The following CAMK2A variants were observed in gnomAD, a reference collection of about 807,000 sequenced individuals.
The protein encoded by CAMK2A is calcium/calmodulin-dependent protein kinase type II subunit alpha.
In CAMK2A, 7 loss-of-function variants were observed where a neutral mutation model predicts 79.2. The ratio of observed to expected loss-of-function variants is 0.09; its 90% confidence interval spans 0.05 to 0.17. The LOEUF (loss-of-function observed/expected upper bound fraction) is 0.17, where lower values mean the gene tolerates loss of function less well. Among genes scored for constraint, CAMK2A ranks in the 10% least tolerant of loss-of-function variants. The pLI, the probability that CAMK2A is intolerant of heterozygous loss-of-function variation, is 1.00. For missense variants in CAMK2A, 214 were observed against 646.4 expected, an observed-to-expected ratio of 0.33 and a Z score of 7.25; for synonymous variants, 242 against 251.7, an observed-to-expected ratio of 0.96 and a Z score of 0.36.
chr5:150,280,539 C>T (rs1757167712), intron 1 of CAMK2A, among the ~76,000 whole-genome samples: 1 of 152,206 alleles, frequency 6.6e-6, no homozygotes, highest in Non-Finnish European at 1.5e-5. Context: ...GCCTCCTCTT[C>T]CCACCTCCCA....
intron 15 of CAMK2A, among the ~76,000 whole-genome samples, chr5:150,236,062 C>T (rs1237152201): frequency 6.6e-6 from 1 of 152,072 alleles, no homozygotes; most frequent in Non-Finnish European, 1.5e-5. Context: ...CTCAAATTTC[C>T]CTCTGGAAAG....
intron 1 of CAMK2A, 128 bp from the exon 2 acceptor site, chr5:150,273,287 G>T: frequency 1.5e-6 from 1 of 681,292 alleles, no homozygotes; most frequent in South Asian, 1.9e-5. Flanking sequence ...CAAGCTCACA[G>T]GGGCTTCTGT....
chr5:150,289,775 A>G, upstream of CAMK2A: 1 of 599,998 alleles, frequency 1.7e-6, no homozygotes, highest in Non-Finnish European at 2.9e-6. Context: ...GGGGCTTCTG[A>G]GCAGGGCACT....
intron 8 of CAMK2A, 40 bp downstream of exon 8, chr5:150,251,942 G>T (rs892747153): frequency 1.3e-6 from 2 of 1,590,222 alleles, no homozygotes; most frequent in Non-Finnish European, 1.7e-6. Context: ...AGAGGCCGGG[G>T]TGCAGCCAGG....
intron 13 of CAMK2A, among the ~76,000 whole-genome samples, chr5:150,239,948 T>A (rs980820078): frequency 6.6e-6 from 1 of 152,114 alleles, no homozygotes; most frequent in Non-Finnish European, 1.5e-5. Context: ...CCTGAAGCTC[T>A]GAGTCCTCAT....
In CAMK2A at chr5:150,222,336, C is replaced by T. The variant is rs1343415219; in HGVS notation, c.*374G>A. The T allele has an allele frequency of 8.2e-6, 5 of 610,586 alleles. No individual in the cohort carries two copies. The highest frequency in any genetic ancestry group is 1.5e-5 in the Non-Finnish European group (5 of 341,894). The allele number at this position is 610,586 out of a possible 1,614,324, so 37.8% of individuals were successfully genotyped here. A position where few individuals can be genotyped will look rare whatever the true frequency, so the allele number is the denominator to read the frequency against. ...GACGGATGCTGCCTTCCTCATCATG[C>T]CACCCCTCCTTCTCCCCAGCCCCTG... On this transcript the variant is annotated 3_prime_UTR_variant, in exon 19 of 19. Transcript: ENST00000671881.
At chr5:150,238,811 C>A in intron 14 of CAMK2A, 63 bp from the exon 15 acceptor site, 1 of 1,412,394 alleles carries the variant, frequency 7.1e-7, no homozygotes, top group Non-Finnish European at 9.6e-7. Context: ...CATGGCCAGG[C>A]CCTGGCTGCC....
At chr5:150,277,618 G>A (rs1169162859) in intron 1 of CAMK2A, among the ~76,000 whole-genome samples, 2 of 152,236 alleles carry the variant, frequency 1.3e-5, no homozygotes, top group Admixed American at 1.3e-4. Context: ...GTAGTGTGGG[G>A]ACCCTGAACC....
rs1044600359 is a variant in CAMK2A, at chr5:150,221,782, A to G, written c.*928T>C. On this transcript the variant is annotated 3_prime_UTR_variant, in exon 19 of 19. Transcript: ENST00000671881. ...AAAAAAAAAACTAGAACAGAAAAAAACTACCCCTCACCCCTCTTCCTACAC... is the reference window on the plus strand; with the variant it reads ...AAAAAAAAAACTAGAACAGAAAAAAGCTACCCCTCACCCCTCTTCCTACAC... 2.0e-5 allele frequency: 8 copies of G among 395,098 alleles called. No individual in the cohort carries two copies. The Admixed American group carries it at 2.2e-4, about 11-fold the overall frequency. 24.5% of individuals were successfully genotyped at this position (395,098 alleles called of 1,614,324 possible).
chr5:150,284,564 C>T lies in CAMK2A; in HGVS notation c.62+5000G>A, dbSNP rs116302510. ...CTCAGCCTGTGTGGGGGCGGCTGCGCGGGGGCGGAGGGCTGCAGCGTGCAC... is the reference window on the plus strand; with the variant it reads ...CTCAGCCTGTGTGGGGGCGGCTGCGTGGGGGCGGAGGGCTGCAGCGTGCAC... On this transcript the variant is annotated intron_variant, in intron 1 of 18. Coordinates refer to ENST00000671881, the MANE Select transcript of CAMK2A (RefSeq NM_015981.4). This position sits in a 1 kb window ranked among gnomAD's most constrained non-coding sequence, Gnocchi z 5.3. Among the ~76,000 whole-genome samples the T allele has an allele frequency of 8.4e-3, 1,275 of 152,098 alleles. 19 individuals are homozygous for T. The highest frequency in any genetic ancestry group is 0.029 in the African/African-American group (1,218 of 41,478).
intron 16 of CAMK2A, among the ~76,000 whole-genome samples, chr5:150,228,565 A>G (rs1388271559): frequency 1.3e-5 from 2 of 152,200 alleles, no homozygotes; most frequent in East Asian, 3.9e-4. Context: ...AGCACCATGA[A>G]TAGTGTACAG....
At chr5:150,241,039 C>T (rs567242405) in intron 13 of CAMK2A, among the ~76,000 whole-genome samples, 50 of 152,360 alleles carry the variant, frequency 3.3e-4, no homozygotes, top group South Asian at 8.3e-4. Context: ...TTATTCTCAT[C>T]TTCCAATAGG....
chr5:150,228,083 C>A, intron 17 of CAMK2A, 109 bp downstream of exon 17: 1 of 873,782 alleles, frequency 1.1e-6, no homozygotes, highest in Non-Finnish European at 1.8e-6. Flanking sequence ...TTCCTCTTCG[C>A]TGGCTCCTGA....
At chr5:150,248,331 TA>T (rs2150276963) in intron 11 of CAMK2A, among the ~76,000 whole-genome samples, 2 of 31,472 alleles carry the variant, frequency 6.4e-5, no homozygotes, top group African/African-American at 1.5e-3. Flanking sequence ...TTTTATTTTA[TA>T]TATATATATA....
chr5:150,228,715 G>A (rs1754713482), intron 16 of CAMK2A, among the ~76,000 whole-genome samples: 1 of 152,110 alleles, frequency 6.6e-6, no homozygotes, highest in Non-Finnish European at 1.5e-5. Context: ...CGGGATGGGG[G>A]ACACTGCCTT....
At chr5:150,243,381 G>A (rs1403931488) in intron 13 of CAMK2A, among the ~76,000 whole-genome samples, 1 of 152,170 alleles carries the variant, frequency 6.6e-6, no homozygotes, top group South Asian at 2.1e-4. Context: ...CCACACAGGG[G>A]TCAGAGAGGG....
chr5:150,247,659 C>T lies in CAMK2A; in HGVS notation c.943+113G>A, dbSNP rs558093564. The T allele has an allele frequency of 1.0e-3, 823 of 810,496 alleles. 2 individuals are homozygous for T. Among genetic ancestry groups the T allele is most frequent in the Non-Finnish European group, 1.1e-3 (567 of 498,244 alleles). The allele number at this position is 810,496 out of a possible 1,614,324, so 50.2% of individuals were successfully genotyped here. On this transcript the variant is annotated intron_variant, in intron 12 of 18. Coordinates refer to ENST00000671881, the MANE Select transcript of CAMK2A (RefSeq NM_015981.4). ...AAGCCCTTAGTCACAGAGTCCTCTACAACTCCCTCTCCCCAGGCCCAGTGG... is the reference window on the plus strand; with the variant it reads ...AAGCCCTTAGTCACAGAGTCCTCTATAACTCCCTCTCCCCAGGCCCAGTGG...
In CAMK2A at chr5:150,221,859, TAA is replaced by T. The variant is rs1035935771; in HGVS notation, c.*849_*850del. The T allele has an allele frequency of 2.6e-4, 95 of 369,726 alleles. No individual in the cohort carries two copies. The highest frequency in any genetic ancestry group is 2.4e-5 in the Non-Finnish European group (5 of 208,982). 22.9% of individuals were successfully genotyped at this position (369,726 alleles called of 1,614,324 possible). ...TAATCTGAGAAGTCTAGTTATTACATAAATATCCATTAACGCGAAATCCATTT... is the reference window on the plus strand; with the variant it reads ...TAATCTGAGAAGTCTAGTTATTACATATATCCATTAACGCGAAATCCATTT... On this transcript the variant is annotated 3_prime_UTR_variant, in exon 19 of 19. Coordinates refer to ENST00000671881, the MANE Select transcript of CAMK2A (RefSeq NM_015981.4).
At chr5:150,226,005 C>T (rs780920313) in intron 17 of CAMK2A, among the ~76,000 whole-genome samples, 3 of 152,294 alleles carry the variant, frequency 2.0e-5, no homozygotes, top group Non-Finnish European at 2.9e-5. Flanking sequence ...CTCAACCTCC[C>T]AAAGTCCTGG....
Sources: allele counts gnomAD v4.1 joint callset (sites outside exome capture counted in the v4.1 genomes callset), GRCh38; gene constraint gnomAD v4.1.1; non-coding constraint Gnocchi (gnomAD v3.1); transcripts MANE v1.5; gene names NCBI Gene and HGNC (gene_info 2026-07-23, HGNC 2026-07-21).